MAP2K2: variants seen among roughly 807,000 people sequenced by gnomAD.
The protein encoded by MAP2K2 is mitogen-activated protein kinase kinase 2.
Under a neutral mutation model 43.7 loss-of-function variants are expected in MAP2K2, and 24 were observed. The ratio of observed to expected loss-of-function variants is 0.55; its 90% CI spans 0.40 to 0.77. The LOEUF is 0.77. Among genes scored for constraint, MAP2K2 ranks in the 30% least tolerant of loss-of-function variants. The pLI is 0.00. For synonymous variants in MAP2K2, 244 were observed against 239.7 expected (o/e 1.02, Z -0.17); for missense variants, 470 against 566.8 (o/e 0.83, Z 1.73).
intron 3 of MAP2K2, among the ~76,000 whole-genome samples, chr19:4,104,197 AG>A (rs2041054493): frequency 7.0e-6 from 1 of 143,648 alleles, no homozygotes; most frequent in Admixed American, 7.0e-5. Flanking sequence ...CCTGGGAGGC[AG>A]AGGTTGCTGT....
intron 10 of MAP2K2, 140 bp from the exon 11 acceptor site, chr19:4,090,848 C>G: frequency 1.4e-6 from 1 of 716,000 alleles, no homozygotes; most frequent in Admixed American, 2.0e-5. Context: ...CACAGGAAGA[C>G]GCACTCGGGG....
rs1568247634 is a variant in MAP2K2, at chr19:4,090,579, GC to G, written c.*18del. 8 of 1,539,988 alleles carry G rather than the reference GC, an allele frequency of 5.2e-6. No individual in the cohort carries two copies. Among genetic ancestry groups the G allele is most frequent in the Non-Finnish European group, 6.1e-6 (7 of 1,138,514 alleles). ...ACGGTGGGCAGGTCACCAGCGGGAC[GC>G]AGGGAGCCCGGCCACTGTCACACGG... On this transcript the variant is annotated 3_prime_UTR_variant, in exon 11 of 11. Transcript: ENST00000262948.
rs1568260052 is a variant in MAP2K2, at chr19:4,110,579, G to A, written c.380C>T (p.Ser127Leu). 1.3e-5 allele frequency: 21 copies of A among 1,614,028 alleles called. No individual in the cohort carries two copies. The highest frequency in any genetic ancestry group is 1.8e-5 in the Non-Finnish European group (21 of 1,180,040). Residue 127 changes from serine to leucine, a missense_variant, in exon 3 of 11, where the codon TCG becomes TTG. By Grantham distance (145) the Ser-to-Leu change is moderately radical. Coordinates refer to ENST00000262948, the MANE Select transcript of MAP2K2 (RefSeq NM_030662.4). ...RELQVLHECNSPYIVGFYGAF... is the reference protein window; with the variant it reads ...RELQVLHECNLPYIVGFYGAF... Reference sequence around the variant, plus strand: ...CCCGTAGAAGCCCACGATGTACGGCGAGTTGCATTCGTGCAGGACCTGCAG... The same window carrying A: ...CCCGTAGAAGCCCACGATGTACGGCAAGTTGCATTCGTGCAGGACCTGCAG...
intron 2 of MAP2K2, among the ~76,000 whole-genome samples, chr19:4,111,738 G>C (rs1203613781): frequency 2.6e-5 from 4 of 152,214 alleles, no homozygotes; most frequent in African/African-American, 4.8e-5. Flanking sequence ...CGGACTGCTT[G>C]AGGTCAGGAG....
At chr19:4,095,093 G>A (rs942859115) in intron 9 of MAP2K2, 9 of 403,362 alleles carry the variant, frequency 2.2e-5, no homozygotes, top group East Asian at 8.5e-5. Flanking sequence ...CCAGGGGTCC[G>A]GGGACCAGAC....
chr19:4,102,274 T>C (rs2041023322), intron 4 of MAP2K2, 102 bp downstream of exon 4: 1 of 1,030,946 alleles, frequency 9.7e-7, no homozygotes, highest in Admixed American at 2.0e-5. Context: ...GGGGCCACCC[T>C]AACCCCCACC....
At chr19:4,113,465 A>G (rs1254790169) in intron 2 of MAP2K2, among the ~76,000 whole-genome samples, 1 of 152,112 alleles carries the variant, frequency 6.6e-6, no homozygotes, top group Non-Finnish European at 1.5e-5. Context: ...TGCACCCTCT[A>G]AAGTTCACCC....
At chr19:4,105,337 C>G (rs1444206823) in intron 3 of MAP2K2, among the ~76,000 whole-genome samples, 1 of 151,358 alleles carries the variant, frequency 6.6e-6, no homozygotes, top group Admixed American at 6.6e-5. Flanking sequence ...GGCACCATCT[C>G]GGCTCACTGC....
intron 4 of MAP2K2, 45 bp downstream of exon 4, chr19:4,102,331 T>C: frequency 1.3e-6 from 2 of 1,499,322 alleles, no homozygotes; most frequent in East Asian, 2.4e-5. Context: ...AAGAGGTCCG[T>C]GCAGAGTGCG....
rs373579939 is a variant in MAP2K2, at chr19:4,117,433, T to A, written c.289A>T (p.Ile97Phe). 60 of 1,613,320 alleles carry A rather than the reference T, an allele frequency of 3.7e-5. No individual in the cohort carries two copies. The highest frequency in any genetic ancestry group is 5.0e-5 in the Non-Finnish European group (59 of 1,180,028). The change falls in exon 2 of 11, where the codon ATC (isoleucine) becomes TTC (phenylalanine). Residue 97 changes from isoleucine to phenylalanine, a missense_variant. Physicochemically the swap from Ile to Phe is conservative, Grantham distance 21. Coordinates refer to ENST00000262948, the MANE Select transcript of MAP2K2 (RefSeq NM_030662.4). ...TKVQHRPSGL[I>F]MARKLIHLEI... ...GCAGTGCTCACCTTCCTGGCCATGA[T>A]GAGGCCCGAGGGTCTGTGCTGGACT... is the stretch of plus-strand genomic sequence containing the variant.
chr19:4,105,621 C>T (rs913474510), intron 3 of MAP2K2, among the ~76,000 whole-genome samples: 5 of 152,100 alleles, frequency 3.3e-5, no homozygotes, highest in Admixed American at 1.3e-4. Flanking sequence ...AACCTGGACG[C>T]CGCATCACTT....
At chr19:4,094,623 G>A (rs2040889234) in intron 9 of MAP2K2, 125 bp from the exon 10 acceptor site, 3 of 901,268 alleles carry the variant, frequency 3.3e-6, no homozygotes, top group Non-Finnish European at 5.3e-6. Context: ...TCCGACCAGA[G>A]AGAGTGGCAC....
At chr19:4,096,722 C>G (rs2040922947) in intron 8 of MAP2K2, among the ~76,000 whole-genome samples, 1 of 152,182 alleles carries the variant, frequency 6.6e-6, no homozygotes, top group African/African-American at 2.4e-5. Flanking sequence ...CGCCCACGGG[C>G]GCCAGGACGC....
intron 10 of MAP2K2, among the ~76,000 whole-genome samples, chr19:4,093,027 G>A (rs911209587): frequency 1.3e-5 from 2 of 152,128 alleles, no homozygotes; most frequent in African/African-American, 2.4e-5. Context: ...TGGCCAACAC[G>A]GGGAAACCCC....
intron 6 of MAP2K2, chr19:4,100,660 T>C (rs567895918): frequency 1.4e-4 from 45 of 313,224 alleles, no homozygotes; most frequent in African/African-American, 9.2e-4. Flanking sequence ...TACAAAAGAT[T>C]AGTAAATTAA....
intron 3 of MAP2K2, among the ~76,000 whole-genome samples, chr19:4,105,154 CCGTGTGTGTG>C (rs2041068313): frequency 9.0e-6 from 1 of 111,728 alleles, no homozygotes; most frequent in Admixed American, 8.9e-5. Flanking sequence ...TACACGTCTA[CCGTGTGTGTG>C]TGTGTGTGTG....
At chr19:4,102,668 C>T in intron 3 of MAP2K2, 3 of 1,033,064 alleles carry the variant, frequency 2.9e-6, no homozygotes, top group Non-Finnish European at 4.2e-6. Flanking sequence ...GAACAGGGCC[C>T]AGGGTTCCCC....
intron 8 of MAP2K2, 27 bp from the exon 9 acceptor site, chr19:4,095,476 C>T (rs1343779323): frequency 6.5e-7 from 1 of 1,545,196 alleles, no homozygotes; most frequent in Non-Finnish European, 8.8e-7. Flanking sequence ...AGGGTGGGGT[C>T]AGCCCTGGGC....
At chr19:4,100,333 G>A (rs1180158080) in intron 6 of MAP2K2, 1 of 149,722 alleles carries the variant, frequency 6.7e-6, no homozygotes, top group Non-Finnish European at 1.5e-5. Flanking sequence ...GGAAGGCTGA[G>A]GCAGGAGAAT....
Sources: gnomAD v4.1 joint callset for allele counts (sites outside exome capture counted in the v4.1 genomes callset) on GRCh38, gnomAD v4.1.1 for gene constraint, MANE v1.5 for transcripts, NCBI Gene and HGNC (gene_info 2026-07-23, HGNC 2026-07-21) for gene names.